Variants in GOT2 observed in about 807,000 individuals in gnomAD.
GOT2 encodes the protein aspartate aminotransferase, mitochondrial.
Under a neutral mutation model 50.0 loss-of-function variants are expected in GOT2, and 17 were observed. The observed-to-expected ratio is 0.34, with a 90% CI of 0.23 to 0.51. GOT2 has a LOEUF of 0.51. Ranked by LOEUF, GOT2 falls within the 20% of genes least tolerant of loss-of-function variation. The probability of loss-of-function intolerance (pLI) is 0.97; values close to 1 mark genes in which losing one functional copy is unlikely to be tolerated. For missense variants in GOT2, 430 were observed against 559.6 expected, an observed-to-expected ratio of 0.77 and a Z score of 2.34; for synonymous variants, 172 against 204.9, an observed-to-expected ratio of 0.84 and a Z score of 1.37.
intron 8 of GOT2, among the ~76,000 whole-genome samples, chr16:58,712,127 T>G (rs1482071385): frequency 6.6e-6 from 1 of 152,108 alleles, no homozygotes; most frequent in Non-Finnish European, 1.5e-5. Context: ...ACAGCTCACA[T>G]GCCGCAGTCC....
intron 3 of GOT2, 188 bp downstream of exon 3, chr16:58,721,962 T>C: frequency 2.1e-6 from 1 of 469,972 alleles, no homozygotes; most frequent in Admixed American, 3.4e-5. Flanking sequence ...GTATTTTTAG[T>C]AGAGATGGGG....
chr16:58,724,804 G>C (rs979523918), intron 1 of GOT2, among the ~76,000 whole-genome samples: 6 of 152,186 alleles, frequency 3.9e-5, no homozygotes, highest in Admixed American at 3.9e-4. Flanking sequence ...GCCTCCCAAA[G>C]TGCTGGGATT....
intron 1 of GOT2, among the ~76,000 whole-genome samples, chr16:58,733,634 C>T (rs2044853228): frequency 6.6e-6 from 1 of 152,136 alleles, no homozygotes; most frequent in African/African-American, 2.4e-5. Context: ...AAAGCGAGGC[C>T]CGAATGCCGG....
intron 1 of GOT2, among the ~76,000 whole-genome samples, chr16:58,727,271 G>A (rs1597705469): frequency 1.3e-5 from 2 of 152,200 alleles, no homozygotes; most frequent in South Asian, 2.1e-4. Flanking sequence ...TGGGACTACA[G>A]GCGCACACAA....
intron 1 of GOT2, among the ~76,000 whole-genome samples, chr16:58,726,442 C>G (rs1005780807): frequency 6.6e-6 from 1 of 151,968 alleles, no homozygotes; most frequent in Non-Finnish European, 1.5e-5. Flanking sequence ...CCTCGGCCCC[C>G]CAAAGTGCTG....
At position 58,718,577 on chromosome 16, in the gene GOT2, C is replaced by T. The variant is rs1367514846; in HGVS notation, c.547G>A (p.Asp183Asn). Reference sequence around the variant, plus strand: ...AAGTCAAAACCGCAAGTCTTGGGGTCATAATACCGATAACCTTGTAGCTGC... The same window carrying T: ...AAGTCAAAACCGCAAGTCTTGGGGTTATAATACCGATAACCTTGTAGCTGC... ...GMQLQGYRYY[D>N]PKTCGFDFTG... The change falls in exon 5 of 10, where the codon GAC becomes AAC. Residue 183 changes from aspartate to asparagine, a missense_variant. Physicochemically the swap from Asp to Asn is conservative, Grantham distance 23. Coordinates refer to ENST00000245206, the MANE Select transcript of GOT2 (RefSeq NM_002080.4). 1.2e-6 allele frequency: 2 copies of T among 1,609,318 alleles called. No homozygotes were observed. The highest frequency in any genetic ancestry group is 2.7e-5 in the African/African-American group (2 of 74,816).
At chr16:58,716,406 C>T in intron 7 of GOT2, 1 of 599,020 alleles carries the variant, frequency 1.7e-6, no homozygotes, top group South Asian at 2.2e-5. Flanking sequence ...CTTCTTGGCT[C>T]ACGGATTTGT....
chr16:58,726,972 G>A lies in GOT2; in HGVS notation c.90-3070C>T, dbSNP rs558143899. On this transcript the variant is annotated intron_variant, in intron 1 of 9. Transcript: ENST00000245206. Reference sequence around the variant, plus strand: ...AGTTTGAGACCAGTCTGACCAACACGGTGAAACTCTGTCTCTACTAAAAAT... The same window carrying A: ...AGTTTGAGACCAGTCTGACCAACACAGTGAAACTCTGTCTCTACTAAAAAT... Among the ~76,000 whole-genome samples the A allele has an allele frequency of 1.2e-3, 183 of 152,030 alleles. 1 individual carries two copies. Among genetic ancestry groups the A allele is most frequent in the African/African-American group, 4.1e-3 (172 of 41,548 alleles).
chr16:58,718,358 G>C, intron 5 of GOT2, 58 bp from the exon 6 acceptor site: 1 of 1,446,944 alleles, frequency 6.9e-7, no homozygotes, highest in Non-Finnish European at 9.7e-7. Flanking sequence ...TGGTTTATCT[G>C]AAATGCCACA....
chr16:58,729,520 GA>G (rs968512625), intron 1 of GOT2, among the ~76,000 whole-genome samples: 8 of 147,952 alleles, frequency 5.4e-5, no homozygotes, highest in African/African-American at 2.0e-4. Flanking sequence ...AAAAGAAAAA[GA>G]AAAAGAAAAA....
At chr16:58,730,977 C>T (rs992790423) in intron 1 of GOT2, among the ~76,000 whole-genome samples, 6 of 152,282 alleles carry the variant, frequency 3.9e-5, no homozygotes, top group East Asian at 1.9e-4. Flanking sequence ...CCTTTCCAAT[C>T]GAAACGCATT....
chr16:58,726,224 C>T (rs897407548), intron 1 of GOT2, among the ~76,000 whole-genome samples: 4 of 152,208 alleles, frequency 2.6e-5, no homozygotes, highest in African/African-American at 7.2e-5. Context: ...TTGTTCTTGT[C>T]GCCCAGGCTG....
chr16:58,733,773 T>C, intron 1 of GOT2: 1 of 198,692 alleles, frequency 5.0e-6, no homozygotes. Context: ...CAGGGCACCC[T>C]ATCAAGGGCA....
At chr16:58,717,186 C>G (rs933966942) in intron 6 of GOT2, among the ~76,000 whole-genome samples, 1 of 152,014 alleles carries the variant, frequency 6.6e-6, no homozygotes, top group South Asian at 2.1e-4. Flanking sequence ...TCAGCCTGGG[C>G]AACAAAGTGA....
intron 1 of GOT2, among the ~76,000 whole-genome samples, chr16:58,730,354 GC>G (rs2152099097): frequency 6.6e-6 from 1 of 151,450 alleles, no homozygotes; most frequent in East Asian, 1.9e-4. Flanking sequence ...CCTCAGGTAG[GC>G]TCCAGTGTCT....
At chr16:58,730,300 T>C (rs1044782467) in intron 1 of GOT2, among the ~76,000 whole-genome samples, 1 of 152,134 alleles carries the variant, frequency 6.6e-6, no homozygotes, top group African/African-American at 2.4e-5. Context: ...GCATAGTACC[T>C]GACAGTTATT....
Position 58,707,997 on chromosome 16 carries a change from C to T in GOT2, c.*174G>A, listed in dbSNP as rs1597695110. The T allele has an allele frequency of 5.2e-6, 3 of 572,760 alleles. No individual in the cohort carries two copies. Among genetic ancestry groups the T allele is most frequent in the Non-Finnish European group, 8.7e-6 (3 of 344,112 alleles). 35.5% of individuals were successfully genotyped at this position (572,760 alleles called of 1,614,324 possible). ...GACGCCAGCCATGGATGCCTCTGCC[C>T]TGTGTCACTACATGTTCTTTTCTGA... On this transcript the variant is annotated 3_prime_UTR_variant, in exon 10 of 10. Transcript: ENST00000245206.
intron 6 of GOT2, among the ~76,000 whole-genome samples, chr16:58,717,601 C>A (rs576811300): frequency 6.6e-6 from 1 of 152,140 alleles, no homozygotes; most frequent in Non-Finnish European, 1.5e-5. Context: ...CTGACCAGGG[C>A]GAATATAGGC....
chr16:58,730,857 C>G (rs1331599706), intron 1 of GOT2, among the ~76,000 whole-genome samples: 1 of 152,086 alleles, frequency 6.6e-6, no homozygotes, highest in Non-Finnish European at 1.5e-5. Flanking sequence ...AACCTGTGAC[C>G]TAGAAAGTGA....
Sources: gnomAD v4.1 joint callset for allele counts (sites outside exome capture counted in the v4.1 genomes callset) on GRCh38, gnomAD v4.1.1 for gene constraint, MANE v1.5 for transcripts, NCBI Gene and HGNC (gene_info 2026-07-23, HGNC 2026-07-21) for gene names.